The following DSCAM variants were observed in gnomAD, a reference collection of about 807,000 sequenced individuals.
DSCAM encodes DS cell adhesion molecule, also known as cell adhesion molecule DSCAM.
A neutral mutation model predicts 217.7 loss-of-function variants in DSCAM; 47 were observed. That is an observed-to-expected ratio of 0.22 (90% CI 0.17 to 0.28). The LOEUF is 0.28. Ranked by LOEUF, DSCAM falls within the 10% of genes least tolerant of loss-of-function variation. The probability of loss-of-function intolerance (pLI) is 1.00; values close to 1 mark genes in which losing one functional copy is unlikely to be tolerated. For synonymous variants in DSCAM, 1,056 were observed against 1,015.3 expected (o/e 1.04, Z -0.76); for missense variants, 2,080 against 2,618.3 (o/e 0.79, Z 4.49).
chr21:40,647,931 C>A (rs924880062), intron 3 of DSCAM, among the ~76,000 whole-genome samples: 1 of 152,100 alleles, frequency 6.6e-6, no homozygotes, highest in South Asian at 2.1e-4. Flanking sequence ...CAAACAGTGA[C>A]GCTGAGTGGG....
rs543419885 is a variant in DSCAM, at chr21:40,739,385, T to C, written c.44-30614A>G. Among the ~76,000 whole-genome samples, 74 of 152,308 alleles carry C rather than the reference T, an allele frequency of 4.9e-4. No homozygotes were observed. The South Asian group carries it at 0.015, about 30-fold the overall frequency. Reference sequence around the variant, plus strand: ...AACTTTCTTGTTGCTGGGGCTGCCATAACAAAGCACTACAGATGAGTGGCT... The same window carrying C: ...AACTTTCTTGTTGCTGGGGCTGCCACAACAAAGCACTACAGATGAGTGGCT... On this transcript the variant is annotated intron_variant, in intron 1 of 32. Transcript: ENST00000400454.
At chr21:40,160,068 C>T (rs1466262708) in intron 16 of DSCAM, among the ~76,000 whole-genome samples, 1 of 152,164 alleles carries the variant, frequency 6.6e-6, no homozygotes, top group Non-Finnish European at 1.5e-5. Flanking sequence ...ATCAAGGGAC[C>T]ACCTTATGGA....
intron 8 of DSCAM, among the ~76,000 whole-genome samples, chr21:40,328,145 C>A (rs1455351621): frequency 6.6e-6 from 1 of 151,834 alleles, no homozygotes; most frequent in Non-Finnish European, 1.5e-5. Flanking sequence ...AAAAAAAATC[C>A]TAAAATTCCA....
intron 3 of DSCAM, among the ~76,000 whole-genome samples, chr21:40,442,739 T>C (rs1391812165): frequency 1.3e-5 from 2 of 152,114 alleles, no homozygotes; most frequent in Non-Finnish European, 2.9e-5. Context: ...CCCGAACTCC[T>C]GACCTCATGA....
intron 11 of DSCAM, among the ~76,000 whole-genome samples, chr21:40,228,550 C>T (rs918179151): frequency 2.0e-5 from 3 of 152,086 alleles, no homozygotes; most frequent in African/African-American, 7.2e-5. Context: ...GATTTAACCA[C>T]TGGGAACTCC....
At chr21:40,093,964 A>G (rs1477443058) in intron 20 of DSCAM, 90 bp from the exon 21 acceptor site, 11 of 1,372,714 alleles carry the variant, frequency 8.0e-6, no homozygotes, top group East Asian at 2.4e-5. Context: ...CATATTAAAT[A>G]TCATAACAAA....
chr21:40,033,359 T>G (rs866715188), intron 32 of DSCAM, among the ~76,000 whole-genome samples: 18 of 152,228 alleles, frequency 1.2e-4, no homozygotes, highest in Admixed American at 5.2e-4. Context: ...ATTGCATCAC[T>G]CGGGAAGCAC....
At chr21:40,573,569 G>T (rs1273849012) in intron 3 of DSCAM, among the ~76,000 whole-genome samples, 1 of 152,018 alleles carries the variant, frequency 6.6e-6, no homozygotes, top group African/African-American at 2.4e-5. Context: ...TTCCCTATTT[G>T]AATTGAAAAT....
intron 11 of DSCAM, among the ~76,000 whole-genome samples, chr21:40,261,887 T>C (rs1303391312): frequency 6.6e-6 from 1 of 152,140 alleles, no homozygotes; most frequent in Non-Finnish European, 1.5e-5. Flanking sequence ...TAATGGTATC[T>C]GGAGACAGGG....
rs750422240 is a variant in DSCAM, at chr21:40,339,251, T to C, written c.1375A>G (p.Ile459Val). ...CTGACCACGTTCCCCTCCGACGTGA[T>C]CATCTGGCTGATGCGGTGACTGCCA... ...KGGSHRISQM[I>V]TSEGNVVSYL... The change falls in exon 7 of 33, where the codon ATC becomes GTC. Residue 459 changes from isoleucine (I) to valine (V), a missense_variant. By Grantham distance (29) the Ile-to-Val change is conservative. Around this residue, in one of 5 missense-constraint regions of DSCAM, gnomAD observed 568 missense variants for 678.1 expected, o/e 0.84. Coordinates refer to ENST00000400454, the MANE Select transcript of DSCAM (RefSeq NM_001389.5). 1 of 1,614,112 alleles carries C rather than the reference T, an allele frequency of 6.2e-7. No homozygotes were observed. Among genetic ancestry groups the C allele is most frequent in the Non-Finnish European group, 8.5e-7 (1 of 1,180,010 alleles).
chr21:40,656,188 A>G (rs1216681111), intron 3 of DSCAM, among the ~76,000 whole-genome samples: 1 of 152,214 alleles, frequency 6.6e-6, no homozygotes, highest in African/African-American at 2.4e-5. Flanking sequence ...TTGGGGGGAC[A>G]CATACATTCA....
At chr21:40,114,697 G>T (rs2089945419) in intron 20 of DSCAM, among the ~76,000 whole-genome samples, 1 of 152,116 alleles carries the variant, frequency 6.6e-6, no homozygotes, top group African/African-American at 2.4e-5. Context: ...AATCTACAAT[G>T]AACTCAAACA....
At chr21:40,755,812 G>T (rs1426027330) in intron 1 of DSCAM, among the ~76,000 whole-genome samples, 1 of 152,156 alleles carries the variant, frequency 6.6e-6, no homozygotes, top group African/African-American at 2.4e-5. Context: ...TGCAAAAAAT[G>T]GCTGCAATAA....
Position 40,532,733 on chromosome 21 carries a change from G to A in DSCAM, c.508+160077C>T, listed in dbSNP as rs148978374. Among the ~76,000 whole-genome samples the A allele has an allele frequency of 9.5e-3, 1,442 of 152,282 alleles. 31 individuals are homozygous for A. The highest frequency in any genetic ancestry group is 0.032 in the African/African-American group (1,330 of 41,556). On this transcript the variant is annotated intron_variant, in intron 3 of 32. Transcript: ENST00000400454. ...GAGACTCAAAGGAAAGAGCAAGAGA[G>A]CCTGGGGTAACCTGGGGGAGAGAGA...
At chr21:40,751,802 A>T (rs766289144) in intron 1 of DSCAM, among the ~76,000 whole-genome samples, 5 of 152,180 alleles carry the variant, frequency 3.3e-5, no homozygotes, top group African/African-American at 9.6e-5. Context: ...TGTAAAAAAA[A>T]TTAAGTTACA....
At chr21:40,260,812 T>C (rs906447659) in intron 11 of DSCAM, among the ~76,000 whole-genome samples, 1 of 152,198 alleles carries the variant, frequency 6.6e-6, no homozygotes, top group Non-Finnish European at 1.5e-5. Flanking sequence ...ATGTATTGTC[T>C]TCTGCATCCT....
At chr21:40,307,272 G>T (rs192802912) in intron 9 of DSCAM, among the ~76,000 whole-genome samples, 1 of 151,610 alleles carries the variant, frequency 6.6e-6, no homozygotes, top group South Asian at 2.1e-4. Flanking sequence ...AGTAGGCAAA[G>T]GACATGAACA....
chr21:40,606,916 G>A (rs924856545), intron 3 of DSCAM, among the ~76,000 whole-genome samples: 6 of 152,106 alleles, frequency 3.9e-5, no homozygotes, highest in Non-Finnish European at 8.8e-5. Context: ...TATAAAGGGC[G>A]AGTTTCCCTG....
At chr21:40,838,193 T>C (rs1241889307) in intron 1 of DSCAM, among the ~76,000 whole-genome samples, 1 of 152,260 alleles carries the variant, frequency 6.6e-6, no homozygotes, top group Non-Finnish European at 1.5e-5. Context: ...CTTTCTCTTA[T>C]GATACAATCA....
Sources: allele counts gnomAD v4.1 joint callset (sites outside exome capture counted in the v4.1 genomes callset), GRCh38; gene constraint gnomAD v4.1.1; regional missense constraint gnomAD v4.1.1; transcripts MANE v1.5; gene names NCBI Gene and HGNC (gene_info 2026-07-23, HGNC 2026-07-21).